The following TFIP11 variants were observed in gnomAD, a reference collection of about 807,000 sequenced individuals.
TFIP11 encodes tuftelin interacting protein 11.
In TFIP11, 86 loss-of-function variants were observed where a neutral mutation model predicts 96.8. The ratio of observed to expected loss-of-function variants is 0.89; its 90% CI spans 0.75 to 1.06. TFIP11 has a LOEUF of 1.06. Ranked by LOEUF, TFIP11 falls within the 50% of genes least tolerant of loss-of-function variation. TFIP11 has a pLI of 0.00. For synonymous variants in TFIP11, 405 were observed against 395.2 expected (o/e 1.02, Z -0.29); for missense variants, 881 against 1,076.7 (o/e 0.82, Z 2.54).
chr22:26,503,463 C>T (rs1923032176), intron 7 of TFIP11, among the ~76,000 whole-genome samples: 1 of 152,254 alleles, frequency 6.6e-6, no homozygotes, highest in East Asian at 1.9e-4. Flanking sequence ...GCCATTTCAA[C>T]TGCCACTTCC....
chr22:26,497,925 A>C (rs1291463042), intron 10 of TFIP11, among the ~76,000 whole-genome samples: 1 of 152,034 alleles, frequency 6.6e-6, no homozygotes, highest in Admixed American at 6.5e-5. Flanking sequence ...TTGCTCACAC[A>C]AATTTACAGC....
At chr22:26,494,343 C>T in intron 13 of TFIP11, 39 bp from the exon 14 acceptor site, 1 of 1,613,470 alleles carries the variant, frequency 6.2e-7, no homozygotes, top group Non-Finnish European at 8.5e-7. Flanking sequence ...ATCGTGGCAA[C>T]AAATGAAGGC....
chr22:26,491,549 T>A lies in TFIP11; in HGVS notation c.*464A>T. 6.2e-7 allele frequency: 1 copy of A among 1,614,164 alleles called. No individual in the cohort carries two copies. Among genetic ancestry groups the A allele is most frequent in the South Asian group, 1.1e-5 (1 of 91,084 alleles). On this transcript the variant is annotated 3_prime_UTR_variant, in exon 15 of 15. Coordinates refer to ENST00000407690, the MANE Select transcript of TFIP11 (RefSeq NM_012143.4). ...ATGATACCTCTGTCCACTGGTTCCC[T>A]GTGCAAAAGCTAGAACAGCTCTCCA... is the stretch of plus-strand genomic sequence containing the variant.
intron 6 of TFIP11, among the ~76,000 whole-genome samples, chr22:26,504,102 C>A (rs988017259): frequency 6.6e-6 from 1 of 152,114 alleles, no homozygotes; most frequent in Non-Finnish European, 1.5e-5. Flanking sequence ...ACTGAGAACT[C>A]CAGCACACTA....
At chr22:26,495,553 TATATATATACACATATATATA>T in intron 12 of TFIP11, among the ~76,000 whole-genome samples, 1 of 77,884 alleles carries the variant, frequency 1.3e-5, no homozygotes. Context: ...TATATATGTG[TATATATATACACATATATATA>T]TGTGTGTGTG....
chr22:26,496,016 A>T, intron 12 of TFIP11, 57 bp downstream of exon 12: 1 of 1,587,688 alleles, frequency 6.3e-7, no homozygotes, highest in Non-Finnish European at 8.6e-7. Flanking sequence ...ACTGCTAACC[A>T]CAGAAACCAG....
At position 26,491,305 on chromosome 22, in the gene TFIP11, G is replaced by A. The variant is rs978171720; in HGVS notation, c.*708C>T. 1.9e-5 allele frequency: 14 copies of A among 736,044 alleles called. No individual in the cohort carries two copies. The highest frequency in any genetic ancestry group is 1.1e-4 in the African/African-American group (6 of 56,048). 45.6% of individuals were successfully genotyped at this position (736,044 alleles called of 1,614,324 possible). On this transcript the variant is annotated 3_prime_UTR_variant, in exon 15 of 15. Coordinates refer to ENST00000407690, the MANE Select transcript of TFIP11 (RefSeq NM_012143.4). ...CCATGATATCCACTGTCCTTGGGGC[G>A]CCCAATTCATTGTGCAAAAGCATTT...
In TFIP11 at chr22:26,499,310, T is replaced by G; in HGVS notation, c.1123A>C (p.Lys375Gln). 6.2e-7 allele frequency: 1 copy of G among 1,614,122 alleles called. No homozygotes were observed. Among genetic ancestry groups the G allele is most frequent in the Non-Finnish European group, 8.5e-7 (1 of 1,180,002 alleles). Residue 375 changes from lysine to glutamine, a missense_variant, in exon 9 of 15, where the codon AAG (lysine) becomes CAG (glutamine). Transcript: ENST00000407690. The stretch of plus-strand genomic sequence containing the variant: ...CACTCCTCCACCATCTCCAGGACCT[T>G]GCTGAGGTTCGAGATGACCCGCTCC... ...HEERVISNLS[K>Q]VLEMVEECER...
At chr22:26,504,348 C>T (rs905685486) in intron 6 of TFIP11, among the ~76,000 whole-genome samples, 1 of 152,152 alleles carries the variant, frequency 6.6e-6, no homozygotes, top group Non-Finnish European at 1.5e-5. Context: ...TCAATGAAGA[C>T]GTTCCCCTGA....
At chr22:26,494,584 G>T in intron 13 of TFIP11, 1 of 755,130 alleles carries the variant, frequency 1.3e-6, no homozygotes, top group South Asian at 1.9e-5. Flanking sequence ...GAGAGGAGCT[G>T]AGATAAAGCA....
At position 26,491,518 on chromosome 22, in the gene TFIP11, T is replaced by C. The variant is rs753914983; in HGVS notation, c.*495A>G. On this transcript the variant is annotated 3_prime_UTR_variant, in exon 15 of 15. Transcript: ENST00000407690. ...CCTCAGACTTCACAATACATGGACA[T>C]ATTTAATGATACCTCTGTCCACTGG... is the stretch of plus-strand genomic sequence containing the variant. 11 of 1,614,088 alleles carry C rather than the reference T, an allele frequency of 6.8e-6. No homozygotes were observed. Among genetic ancestry groups the C allele is most frequent in the African/African-American group, 1.3e-5 (1 of 75,046 alleles).
chr22:26,494,388 T>C (rs1290945567), intron 13 of TFIP11, 84 bp from the exon 14 acceptor site: 1 of 1,521,492 alleles, frequency 6.6e-7, no homozygotes, highest in Non-Finnish European at 9.1e-7. Flanking sequence ...TTTGTTTTGA[T>C]CCTGGTCCTA....
chr22:26,509,949 C>T (rs1923851726), intron 4 of TFIP11, 115 bp downstream of exon 4: 14 of 1,038,494 alleles, frequency 1.3e-5, no homozygotes, highest in Non-Finnish European at 2.0e-5. Flanking sequence ...TCACAGCTAA[C>T]AGTCTCAACA....
rs1282955775 is a variant in TFIP11, at chr22:26,499,139, T to C, written c.1294A>G (p.Met432Val). The change falls in exon 9 of 15, where the codon ATG (methionine) becomes GTG (valine). Residue 432 changes from methionine (M) to valine (V), a missense_variant. Transcript: ENST00000407690. ...TCCCACTCCTTGAAGTACTCCTTCA[T>C]GAGTGGATAGACGATGGCCACAGCA... Reference protein sequence around the residue: ...DLAVAIVYPLMKEYFKEWDPL... With the variant: ...DLAVAIVYPLVKEYFKEWDPL... 1.3e-6 allele frequency: 2 copies of C among 1,595,598 alleles called. No homozygotes were observed. The highest frequency in any genetic ancestry group is 1.1e-5 in the South Asian group (1 of 88,520).
rs368664541 is a variant in TFIP11, at chr22:26,499,283, C to T, written c.1150G>A (p.Glu384Lys). ...CTGCAGTCGGGCTGCATCCGCCGCTCGCACTCCTCCACCATCTCCAGGACC... is the reference window on the plus strand; with the variant it reads ...CTGCAGTCGGGCTGCATCCGCCGCTTGCACTCCTCCACCATCTCCAGGACC... ...SKVLEMVEEC[E>K]RRMQPDCSNP... The change falls in exon 9 of 15, where the codon GAG becomes AAG. Residue 384 changes from glutamate (E) to lysine (K), a missense_variant. Glu to Lys is a moderately conservative substitution (Grantham distance 56). Transcript: ENST00000407690. 1.1e-5 allele frequency: 18 copies of T among 1,613,642 alleles called. No individual in the cohort carries two copies. The Middle Eastern group carries it at 4.9e-4, about 44-fold the overall frequency.
At chr22:26,503,531 T>C in intron 7 of TFIP11, 135 bp downstream of exon 7, 1 of 1,118,586 alleles carries the variant, frequency 8.9e-7, no homozygotes, top group East Asian at 2.5e-5. Flanking sequence ...ATGGTGCACC[T>C]AGCCTTCAGC....
intron 8 of TFIP11, 152 bp from the exon 9 acceptor site, chr22:26,499,783 A>T: frequency 1.2e-6 from 1 of 814,942 alleles, no homozygotes; most frequent in Non-Finnish European, 1.9e-6. Flanking sequence ...AGTGGGAACC[A>T]TACTGTCCTA....
At position 26,493,867 on chromosome 22, in the gene TFIP11, G is replaced by A. The variant is rs555964162; in HGVS notation, c.2158+272C>T. ...CACACAGCACAGTGGTTAAGAGGGC[G>A]GGGCCTGGGGTTAGACTGACATCAT... On this transcript the variant is annotated intron_variant, in intron 14 of 14. Transcript: ENST00000407690. 90 of 424,280 alleles carry A rather than the reference G, an allele frequency of 2.1e-4. 1 individual carries two copies. The highest frequency in any genetic ancestry group is 1.9e-3 in the South Asian group (83 of 43,706). 26.3% of individuals were successfully genotyped at this position (424,280 alleles called of 1,614,324 possible). A position where few individuals can be genotyped will look rare whatever the true frequency, so the allele number is the denominator to read the frequency against.
chr22:26,497,285 T>G (rs1165968484), intron 10 of TFIP11, among the ~76,000 whole-genome samples: 1 of 152,232 alleles, frequency 6.6e-6, no homozygotes, highest in Non-Finnish European at 1.5e-5. Flanking sequence ...AGTAGGTTGC[T>G]CCTGCAGTTC....
Sources: allele counts gnomAD v4.1 joint callset (sites outside exome capture counted in the v4.1 genomes callset), GRCh38; gene constraint gnomAD v4.1.1; transcripts MANE v1.5; gene names NCBI Gene and HGNC (gene_info 2026-07-23, HGNC 2026-07-21).